KLC3: variants seen among roughly 807,000 people sequenced by gnomAD.
KLC3 encodes kinesin light chain 3, also known as kinesin light chain 2.
Under a neutral mutation model 62.9 loss-of-function variants are expected in KLC3, and 72 were observed. That is an observed-to-expected ratio of 1.15 (90% confidence interval 0.95 to 1.39). The LOEUF (loss-of-function observed/expected upper bound fraction) is 1.39. Ranked by LOEUF, KLC3 falls within the 40% of genes most tolerant of loss-of-function variation. The probability of loss-of-function intolerance (pLI) is 0.00; values close to 1 mark genes in which losing one functional copy is unlikely to be tolerated. For synonymous variants in KLC3, 377 were observed against 300.5 expected, an observed-to-expected ratio of 1.25 and a Z score of -2.63; for missense variants, 848 against 691.6, an observed-to-expected ratio of 1.23 and a Z score of -2.54.
intron 3 of KLC3, 47 bp downstream of exon 3, chr19:45,346,821 C>A: frequency 1.5e-6 from 2 of 1,305,958 alleles, no homozygotes; most frequent in East Asian, 3.2e-5. Context: ...CTTCATAGAG[C>A]CCCACAGTCC....
intron 1 of KLC3, among the ~76,000 whole-genome samples, chr19:45,343,979 C>T (rs144868442): frequency 6.6e-6 from 1 of 152,166 alleles, no homozygotes; most frequent in Non-Finnish European, 1.5e-5. Flanking sequence ...ACCATCACCA[C>T]ACCCAGCTAA....
chr19:45,350,793 C>A, intron 11 of KLC3, 46 bp downstream of exon 11: 1 of 1,512,308 alleles, frequency 6.6e-7, no homozygotes, highest in Non-Finnish European at 9.1e-7. Context: ...TCAGCAGAAT[C>A]CACAGCCCAC....
intron 1 of KLC3, chr19:45,345,175 T>G (rs756888356): frequency 2.5e-5 from 11 of 441,666 alleles, no homozygotes; most frequent in Non-Finnish European, 4.4e-5. Flanking sequence ...TCCAAGGGCC[T>G]TGGGGTGGGG....
chr19:45,350,169 C>A, intron 8 of KLC3, 172 bp from the exon 9 acceptor site: 1 of 611,802 alleles, frequency 1.6e-6, no homozygotes, highest in Non-Finnish European at 2.9e-6. Context: ...CGCTTGTAAC[C>A]CCAACACTTT....
rs572326676 is a variant in KLC3 at position 45,350,814 on chromosome 19, C to G, written c.1379+67C>G. 249 of 1,349,050 alleles carry G rather than the reference C, an allele frequency of 1.8e-4. 1 individual carries two copies. In the African/African-American group the frequency reaches 2.9e-3, roughly 16 times the overall value. 83.6% of individuals were successfully genotyped at this position (1,349,050 alleles called of 1,614,324 possible). On this transcript the variant is annotated intron_variant, in intron 11 of 12. Coordinates refer to ENST00000391946, the MANE Select transcript of KLC3 (RefSeq NM_177417.3). Reference sequence around the variant, plus strand: ...GAATCCACAGCCCACCCCACCCCCACCCCCATCTTGCTCAAGAACCTTCCA... The same window carrying G: ...GAATCCACAGCCCACCCCACCCCCAGCCCCATCTTGCTCAAGAACCTTCCA...
rs753911792 is a variant in KLC3, at chr19:45,347,930, A to G, written c.560-11A>G. ...CTTGCAGTGACCCAGAGCCCACCCC[A>G]CCCCACCTAGGTCCTGAGGCCGCAG... On this transcript the variant is annotated splice_polypyrimidine_tract_variant and intron_variant, in intron 4 of 12. Coordinates refer to ENST00000391946, the MANE Select transcript of KLC3 (RefSeq NM_177417.3). 6.3e-7 allele frequency: 1 copy of G among 1,589,398 alleles called. No individual in the cohort carries two copies. Among genetic ancestry groups the G allele is most frequent in the Middle Eastern group, 1.7e-4 (1 of 6,026 alleles).
intron 8 of KLC3, 189 bp from the exon 9 acceptor site, chr19:45,350,152 T>TGGTTCACGCTTGTAACCCCAACACTTTGG: frequency 1.7e-6 from 1 of 593,556 alleles, no homozygotes; most frequent in Non-Finnish European, 3.0e-6. Flanking sequence ...CCAGACGTGG[T>TGGTTCACGCTTGTAACCCCAACACTTTGG]GGTTCACGCT....
At chr19:45,349,300 C>A (rs1422665529) in intron 7 of KLC3, 129 bp from the exon 8 acceptor site, 8 of 931,296 alleles carry the variant, frequency 8.6e-6, no homozygotes, top group Non-Finnish European at 1.3e-5. Flanking sequence ...GTGTCCCCAG[C>A]CCCCAACCTC....
intron 1 of KLC3, among the ~76,000 whole-genome samples, chr19:45,343,521 G>A (rs976974177): frequency 3.3e-5 from 5 of 152,032 alleles, no homozygotes; most frequent in African/African-American, 1.2e-4. Context: ...TTTTAGTAGA[G>A]CCGGGGTTTC....
chr19:45,343,582 A>T lies in KLC3; in HGVS notation c.-8-1952A>T, dbSNP rs564958560. 1.5e-4 allele frequency among the ~76,000 whole-genome samples: 23 copies of T among 152,020 alleles called. No individual in the cohort carries two copies. The East Asian group carries it at 4.5e-3, about 30-fold the overall frequency. ...ACTCCTGACCTCAACTGATCCACCC[A>T]CCTCGGCCTCCCAAAGTGCTGGGAT... On this transcript the variant is annotated intron_variant, in intron 1 of 12. Transcript: ENST00000391946.
At chr19:45,348,597 T>G (rs2123191073) in intron 5 of KLC3, 49 bp from the exon 6 acceptor site, 1 of 1,531,992 alleles carries the variant, frequency 6.5e-7, no homozygotes, top group African/African-American at 1.4e-5. Flanking sequence ...TGGCTGCAGC[T>G]GCCCCAACCC....
chr19:45,349,362 C>T (rs1971598844), intron 7 of KLC3, 67 bp from the exon 8 acceptor site: 2 of 1,487,760 alleles, frequency 1.3e-6, no homozygotes, highest in Non-Finnish European at 1.8e-6. Context: ...GACCACCATA[C>T]AGCAGTGATG....
rs777241710 is a variant in KLC3 at position 45,350,352 on chromosome 19, CCTGAAACAGAA to C, written c.1157_1167del (p.Leu386GlnfsTer32). ...TCCCTTCTCCGCAGGCCTCAGCCTA[CCTGAAACAGAA>C]CAAGTATCAACAAGCGGAAGAGCTG... On this transcript the variant is annotated frameshift_variant, in exon 9 of 13. Transcript: ENST00000391946. LOFTEE classifies it high-confidence loss of function. 28 of 1,613,586 alleles carry C rather than the reference CCTGAAACAGAA, an allele frequency of 1.7e-5. No homozygotes were observed. The highest frequency in any genetic ancestry group is 2.2e-5 in the Non-Finnish European group (26 of 1,179,986).
At chr19:45,346,026 C>T (rs1173611579) in intron 2 of KLC3, among the ~76,000 whole-genome samples, 2 of 152,030 alleles carry the variant, frequency 1.3e-5, no homozygotes, top group Non-Finnish European at 2.9e-5. Flanking sequence ...AGTAGCTGGG[C>T]ATGAGGGCTC....
At position 45,347,956 on chromosome 19, in the gene KLC3, G is replaced by GAGC; in HGVS notation, c.582_584dup (p.Ala196dup). The GAGC allele has an allele frequency of 1.9e-6, 3 of 1,605,736 alleles. No homozygotes were observed. The highest frequency in any genetic ancestry group is 2.6e-6 in the Non-Finnish European group (3 of 1,176,302). ...CCCCACCTAGGTCCTGAGGCCGCAG[G>GAGC]AGCAGCAGCTGCTCAGCAGGGTGGC... On this transcript the variant is annotated inframe_insertion, in exon 5 of 13. Coordinates refer to ENST00000391946, the MANE Select transcript of KLC3 (RefSeq NM_177417.3).
chr19:45,341,578 T>TGTGTGTGTGTGTGTGCGCGCGCGC, intron 1 of KLC3, among the ~76,000 whole-genome samples: 23 of 139,898 alleles, frequency 1.6e-4, no homozygotes, highest in South Asian at 9.4e-4. Flanking sequence ...TGTGTGTGTG[T>TGTGTGTGTGTGTGTGCGCGCGCGC]GCGCGCGCGC....
chr19:45,350,410 G>C lies in KLC3; in HGVS notation c.1213G>C (p.Glu405Gln). The C allele has an allele frequency of 6.2e-7, 1 of 1,613,766 alleles. No individual in the cohort carries two copies. Among genetic ancestry groups the C allele is most frequent in the Non-Finnish European group, 8.5e-7 (1 of 1,179,924 alleles). The change falls in exon 9 of 13, where the codon GAG becomes CAG. Residue 405 changes from glutamate (E) to glutamine (Q), a missense_variant. Coordinates refer to ENST00000391946, the MANE Select transcript of KLC3 (RefSeq NM_177417.3). ...GCTGTACAAAGAAATCCTCCACAAG[G>C]AGGACCTACCCGCCCCTCTCGGTGA... is the stretch of plus-strand genomic sequence containing the variant. ...EELYKEILHK[E>Q]DLPAPLGAPN... is the part of the protein sequence containing the mutation.
Position 45,351,356 on chromosome 19 carries a change from A to C in KLC3, c.1514A>C (p.Ter505SerextTer47). The C allele has an allele frequency of 6.2e-7, 1 of 1,610,756 alleles. No individual in the cohort carries two copies. The highest frequency in any genetic ancestry group is 2.2e-5 in the East Asian group (1 of 44,878). The change falls in exon 13 of 13, where the codon TAA (stop) becomes TCA (serine). Residue 505 changes from the stop codon to serine, a stop_lost. Coordinates refer to ENST00000391946, the MANE Select transcript of KLC3 (RefSeq NM_177417.3). ...SASTQDLSPH[*>S] ...AGCACCCAGGACCTGAGCCCCCACT[A>C]ACGTCCAGTGAACTGCGCTGGCCGC...
At position 45,343,586 on chromosome 19, in the gene KLC3, C is replaced by T. The variant is rs145367188; in HGVS notation, c.-8-1948C>T. Among the ~76,000 whole-genome samples the T allele has an allele frequency of 1.9e-4, 29 of 152,222 alleles. No homozygotes were observed. The East Asian group carries it at 4.8e-3, about 25-fold the overall frequency. ...CTGACCTCAACTGATCCACCCACCT[C>T]GGCCTCCCAAAGTGCTGGGATTACA... On this transcript the variant is annotated intron_variant, in intron 1 of 12. Coordinates refer to ENST00000391946, the MANE Select transcript of KLC3 (RefSeq NM_177417.3).
Sources: allele counts gnomAD v4.1 joint callset (sites outside exome capture counted in the v4.1 genomes callset), GRCh38; gene constraint gnomAD v4.1.1; transcripts MANE v1.5; gene names NCBI Gene and HGNC (gene_info 2026-07-23, HGNC 2026-07-21).